Variants in KIAA1549 observed in about 807,000 individuals in gnomAD.
KIAA1549 encodes the protein UPF0606 protein KIAA1549.
In KIAA1549, 70 loss-of-function variants were observed where a neutral mutation model predicts 156.4. That is an observed-to-expected ratio of 0.45 (90% CI 0.37 to 0.55). KIAA1549 has a LOEUF of 0.55. Ranked by LOEUF, KIAA1549 falls within the 20% of genes least tolerant of loss-of-function variation. The pLI is 0.00. For synonymous variants in KIAA1549, 1,103 were observed against 1,066.4 expected (o/e 1.03, Z -0.67); for missense variants, 2,428 against 2,540.9 (o/e 0.96, Z 0.96).
chr7:138,875,451 C>A (rs1811056029), intron 12 of KIAA1549, among the ~76,000 whole-genome samples: 1 of 151,878 alleles, frequency 6.6e-6, no homozygotes, highest in Non-Finnish European at 1.5e-5. Flanking sequence ...TCAAAACCAG[C>A]CTGGGCAACA....
intron 1 of KIAA1549, among the ~76,000 whole-genome samples, chr7:138,937,897 G>C (rs553610081): frequency 1.3e-5 from 2 of 152,146 alleles, no homozygotes; most frequent in Non-Finnish European, 2.9e-5. Flanking sequence ...GAAGGTGGGG[G>C]GAGTTTGACT....
At chr7:138,895,962 G>T in intron 9 of KIAA1549, among the ~76,000 whole-genome samples, 1 of 151,676 alleles carries the variant, frequency 6.6e-6, no homozygotes, top group Non-Finnish European at 1.5e-5. Flanking sequence ...CCACCCTGCT[G>T]CCACACCCAC....
intron 1 of KIAA1549, among the ~76,000 whole-genome samples, chr7:138,938,122 T>C (rs1297159478): frequency 6.6e-6 from 1 of 152,048 alleles, no homozygotes; most frequent in Non-Finnish European, 1.5e-5. Flanking sequence ...TTAGTGTCCC[T>C]CTAAAAAAGG....
At chr7:138,861,829 T>C (rs887528209) in intron 15 of KIAA1549, among the ~76,000 whole-genome samples, 4 of 151,918 alleles carry the variant, frequency 2.6e-5, no homozygotes, top group Admixed American at 2.0e-4. Flanking sequence ...TATAATCGCA[T>C]CATTGTACTC....
rs762223691 is a variant in KIAA1549, at chr7:138,861,238, G to A, written c.5148C>T (p.Pro1716=). The change falls in exon 16 of 20, where the codon CCC becomes CCT. Residue 1716 remains proline, a synonymous_variant. Transcript: ENST00000422774. The part of the protein sequence containing the change: ...STAGVGPGVP[P]GLPANSTPSQ... ...AAGGGGTGCTGTTTGCGGGCAGGCC[G>A]GGTGGGACTCCGGGGCCTACACCTG... 4.8e-5 allele frequency: 77 copies of A among 1,612,206 alleles called. No individual in the cohort carries two copies. The highest frequency in any genetic ancestry group is 5.5e-5 in the Non-Finnish European group (65 of 1,179,526).
intron 1 of KIAA1549, among the ~76,000 whole-genome samples, chr7:138,954,688 C>T (rs1375984452): frequency 1.3e-5 from 2 of 152,176 alleles, no homozygotes; most frequent in Non-Finnish European, 2.9e-5. Flanking sequence ...GACCACCCTC[C>T]AGGCTCACGG....
Position 138,918,604 on chromosome 7 carries a change from G to A in KIAA1549, c.1022C>T (p.Thr341Ile). Residue 341 changes from threonine to isoleucine, a missense_variant, in exon 2 of 20, where the codon ACA becomes ATA. By Grantham distance (89) the Thr-to-Ile change is moderately conservative. This residue lies in a region of KIAA1549 where 893 missense variants were observed against 847.9 expected (regional missense o/e 1.05). Transcript: ENST00000422774. This position sits in a 1 kb window ranked among gnomAD's most constrained non-coding sequence, Gnocchi z 4.2. Reference protein sequence around the residue: ...QSLEETISPRTYPTVTASHAA... With the variant: ...QSLEETISPRIYPTVTASHAA... ...GTGCGATGCAGTCACAGTGGGGTAT[G>A]TTCTTGGAGAGATGGTTTCTTCTAG... The A allele has an allele frequency of 6.2e-7, 1 of 1,614,008 alleles. No individual in the cohort carries two copies. The highest frequency in any genetic ancestry group is 8.5e-7 in the Non-Finnish European group (1 of 1,179,896).
At chr7:138,859,382 G>A (rs796487443) in intron 16 of KIAA1549, among the ~76,000 whole-genome samples, 15 of 152,230 alleles carry the variant, frequency 9.9e-5, no homozygotes, top group African/African-American at 3.4e-4. Flanking sequence ...TCAATCCATA[G>A]CAAGAGCTTA....
intron 17 of KIAA1549, among the ~76,000 whole-genome samples, chr7:138,850,114 T>C (rs1167431745): frequency 1.3e-5 from 2 of 152,128 alleles, no homozygotes; most frequent in African/African-American, 2.4e-5. Flanking sequence ...AGTAGTTTTG[T>C]TTTTTTAACA....
intron 1 of KIAA1549, among the ~76,000 whole-genome samples, chr7:138,934,968 A>G (rs1008451884): frequency 2.0e-5 from 3 of 152,224 alleles, no homozygotes; most frequent in African/African-American, 7.2e-5. Context: ...AGTCTCCAGA[A>G]CATTCCACAG....
At position 138,871,044 on chromosome 7, in the gene KIAA1549, C is replaced by T. The variant is rs894182473; in HGVS notation, c.4551+113G>A. 2.4e-5 allele frequency: 23 copies of T among 964,194 alleles called. 1 individual carries two copies. The highest frequency in any genetic ancestry group is 6.1e-4 in the Middle Eastern group (2 of 3,276). The allele number at this position is 964,194 out of a possible 1,614,324, so 59.7% of individuals were successfully genotyped here. On this transcript the variant is annotated intron_variant, in intron 13 of 19. Transcript: ENST00000422774. ...GTTGGCCAGGCTGGTCTCAAACTCC[C>T]GACCTCAGGCGATCTGCCTGCCTTG...
chr7:138,925,645 A>C (rs1376436260), intron 1 of KIAA1549, among the ~76,000 whole-genome samples: 1 of 151,952 alleles, frequency 6.6e-6, no homozygotes, highest in Non-Finnish European at 1.5e-5. Flanking sequence ...AGTCTGGGCA[A>C]CGTGGCGAAA....
intron 1 of KIAA1549, among the ~76,000 whole-genome samples, chr7:138,926,104 T>C (rs1812710295): frequency 6.6e-6 from 1 of 152,114 alleles, no homozygotes; most frequent in African/African-American, 2.4e-5. Flanking sequence ...TTACTTTTGC[T>C]TCTTTGCTAA....
At chr7:138,898,321 A>AAAG (rs1490646595) in intron 9 of KIAA1549, among the ~76,000 whole-genome samples, 3 of 151,824 alleles carry the variant, frequency 2.0e-5, no homozygotes, top group Non-Finnish European at 2.9e-5. Context: ...AAAAAAAAAA[A>AAAG]AAGCAAACAA....
At chr7:138,845,393 G>C (rs1810045365) in intron 17 of KIAA1549, among the ~76,000 whole-genome samples, 1 of 152,124 alleles carries the variant, frequency 6.6e-6, no homozygotes, top group Admixed American at 6.5e-5. Context: ...AAAGGAAGGA[G>C]TATTTTAATA....
chr7:138,852,312 T>C (rs1456827390), intron 16 of KIAA1549, 43 bp from the exon 17 acceptor site: 3 of 1,349,534 alleles, frequency 2.2e-6, no homozygotes, highest in African/African-American at 1.5e-5. Context: ...TATTCAATAC[T>C]TATTATAAAG....
intron 1 of KIAA1549, among the ~76,000 whole-genome samples, chr7:138,975,547 C>T (rs1814350682): frequency 6.6e-6 from 1 of 152,116 alleles, no homozygotes; most frequent in Non-Finnish European, 1.5e-5. Flanking sequence ...GCGCTAATCT[C>T]ATTAACCCTT....
chr7:138,945,386 G>C (rs1813308637), intron 1 of KIAA1549, among the ~76,000 whole-genome samples: 1 of 152,174 alleles, frequency 6.6e-6, no homozygotes, highest in South Asian at 2.1e-4. Context: ...CTCCAATCCA[G>C]GCATGCTGAC....
chr7:138,940,349 AT>A (rs1269146644), intron 1 of KIAA1549, among the ~76,000 whole-genome samples: 3 of 150,468 alleles, frequency 2.0e-5, no homozygotes, highest in Non-Finnish European at 4.4e-5. Context: ...TGAACTCATC[AT>A]TTTTTATGGC....
Sources: allele counts gnomAD v4.1 joint callset (sites outside exome capture counted in the v4.1 genomes callset), GRCh38; gene constraint gnomAD v4.1.1; regional missense constraint gnomAD v4.1.1; non-coding constraint Gnocchi (gnomAD v3.1); transcripts MANE v1.5; gene names NCBI Gene and HGNC (gene_info 2026-07-23, HGNC 2026-07-21).